Variants in DKK2 observed in about 807,000 individuals in gnomAD.
DKK2 encodes the protein dickkopf Wnt signaling pathway inhibitor 2.
DKK2 carries 11 observed loss-of-function variants against 28.1 expected under a neutral mutation model. The ratio of observed to expected loss-of-function variants is 0.39; its 90% confidence interval spans 0.25 to 0.65. DKK2 has a LOEUF of 0.65. Among genes scored for constraint, DKK2 ranks in the 30% least tolerant of loss-of-function variants. The pLI is 0.47. For synonymous variants in DKK2, 135 were observed against 126.5 expected (o/e 1.07, Z -0.45); for missense variants, 326 against 335.5 (o/e 0.97, Z 0.22).
In DKK2 at chr4:106,922,368, CCAGA is replaced by C. The variant is rs1724358448; in HGVS notation, c.*1582_*1585del. The C allele has an allele frequency of 6.6e-6, 1 of 152,026 alleles. No individual in the cohort carries two copies. The highest frequency in any genetic ancestry group is 2.4e-5 in the African/African-American group (1 of 41,390). The allele number at this position is 152,026 out of a possible 1,614,324, so 9.4% of individuals were successfully genotyped here. ...AGATAACCTTTTATTGTTTTGTGCT[CCAGA>C]CAAAGTATTTAGAACTGAGTTAAGT... On this transcript the variant is annotated 3_prime_UTR_variant, in exon 4 of 4. Coordinates refer to ENST00000285311, the MANE Select transcript of DKK2 (RefSeq NM_014421.3).
chr4:106,979,556 G>C (rs1202629755), intron 1 of DKK2, among the ~76,000 whole-genome samples: 1 of 151,452 alleles, frequency 6.6e-6, no homozygotes, highest in Non-Finnish European at 1.5e-5. Flanking sequence ...AACTTTGGAG[G>C]GAAAAACAGC....
At position 106,976,906 on chromosome 4, in the gene DKK2, T is replaced by C. The variant is rs138398510; in HGVS notation, c.223-50957A>G. On this transcript the variant is annotated intron_variant, in intron 1 of 3. Transcript: ENST00000285311. ...TTTTCTATTCCATATTGAGTGCTTT[T>C]TTCAGGATCTCTTGTAAGGCAGGCC... 6.4e-3 allele frequency among the ~76,000 whole-genome samples: 967 copies of C among 152,250 alleles called. 15 individuals carry two copies. The highest frequency in any genetic ancestry group is 0.022 in the African/African-American group (924 of 41,558).
At chr4:106,935,660 G>C (rs536221273) in intron 1 of DKK2, among the ~76,000 whole-genome samples, 2 of 152,248 alleles carry the variant, frequency 1.3e-5, no homozygotes, top group Non-Finnish European at 2.9e-5. Context: ...ACCTCTGTGG[G>C]CAGGGCACAG....
At chr4:106,928,434 A>G (rs997191186) in intron 1 of DKK2, among the ~76,000 whole-genome samples, 9 of 152,174 alleles carry the variant, frequency 5.9e-5, no homozygotes, top group Non-Finnish European at 1.0e-4. Context: ...CAGAACATAA[A>G]TACTAGGAGA....
rs980011507 is a variant in DKK2, at chr4:106,958,722, A to G, written c.223-32773T>C. Among the ~76,000 whole-genome samples the G allele has an allele frequency of 2.0e-5, 3 of 151,784 alleles. No individual in the cohort carries two copies. In the East Asian group the frequency reaches 5.8e-4, roughly 29 times the overall value. On this transcript the variant is annotated intron_variant, in intron 1 of 3. Coordinates refer to ENST00000285311, the MANE Select transcript of DKK2 (RefSeq NM_014421.3). ...TGTGGTGGCAGGCGCCTGTAATCTT[A>G]GCTACTCAGGAGGCTGAGGCAGGAG...
chr4:107,002,170 C>T (rs1228655475), intron 1 of DKK2, among the ~76,000 whole-genome samples: 1 of 152,190 alleles, frequency 6.6e-6, no homozygotes, highest in Non-Finnish European at 1.5e-5. Flanking sequence ...AAAAAATAAT[C>T]TGTCCTAAAT....
chr4:107,002,851 T>C (rs1723378822), intron 1 of DKK2, among the ~76,000 whole-genome samples: 1 of 152,210 alleles, frequency 6.6e-6, no homozygotes, highest in Non-Finnish European at 1.5e-5. Context: ...CACTTGACTT[T>C]TCTCATCTCT....
chr4:106,962,107 G>T (rs1270297716), intron 1 of DKK2, among the ~76,000 whole-genome samples: 1 of 152,098 alleles, frequency 6.6e-6, no homozygotes, highest in Non-Finnish European at 1.5e-5. Flanking sequence ...ACTTCTAAGT[G>T]TATGTCCTTC....
intron 1 of DKK2, among the ~76,000 whole-genome samples, chr4:106,964,468 A>G (rs1482654920): frequency 6.6e-6 from 1 of 152,134 alleles, no homozygotes; most frequent in African/African-American, 2.4e-5. Context: ...GGTATAGTTA[A>G]CAATAATTTA....
At chr4:106,938,346 C>T (rs541172656) in intron 1 of DKK2, among the ~76,000 whole-genome samples, 16 of 152,072 alleles carry the variant, frequency 1.1e-4, no homozygotes, top group South Asian at 8.3e-4. Flanking sequence ...AACACCTCTG[C>T]GCAAATAAAC....
intron 1 of DKK2, among the ~76,000 whole-genome samples, chr4:106,926,656 C>T (rs188818808): frequency 6.6e-6 from 1 of 152,210 alleles, no homozygotes; most frequent in East Asian, 1.9e-4. Context: ...TCCTTACAGA[C>T]CTGAAATAGC....
At chr4:106,961,565 G>GCACACACACA (rs34597899) in intron 1 of DKK2, among the ~76,000 whole-genome samples, 122 of 136,298 alleles carry the variant, frequency 9.0e-4, no homozygotes, top group African/African-American at 3.0e-3. Context: ...CCAACAGCCT[G>GCACACACACA]CACACACACA....
At chr4:107,010,547 A>C (rs1401228571) in intron 1 of DKK2, among the ~76,000 whole-genome samples, 2 of 151,618 alleles carry the variant, frequency 1.3e-5, no homozygotes, top group South Asian at 4.1e-4. Context: ...GATTAGGAGA[A>C]TAAGTATGTG....
intron 1 of DKK2, among the ~76,000 whole-genome samples, chr4:106,991,263 A>G (rs1418877930): frequency 2.6e-5 from 4 of 152,188 alleles, no homozygotes; most frequent in African/African-American, 9.7e-5. Flanking sequence ...TTGTACACCT[A>G]CAATCTACTA....
rs184738352 is a variant in DKK2, at chr4:106,969,241, C to T, written c.223-43292G>A. ...CAGTTTGGGACCCCTCTTTCCTCTG[C>T]TTGTCTCCCATCTCCCCCTCCCCTC... On this transcript the variant is annotated intron_variant, in intron 1 of 3. Coordinates refer to ENST00000285311, the MANE Select transcript of DKK2 (RefSeq NM_014421.3). Among the ~76,000 whole-genome samples, 386 of 151,744 alleles carry T rather than the reference C, an allele frequency of 2.5e-3. 4 individuals carry two copies. Among genetic ancestry groups the T allele is most frequent in the African/African-American group, 9.1e-3 (376 of 41,432 alleles).
intron 2 of DKK2, 141 bp downstream of exon 2, chr4:106,925,658 T>C (rs922135490): frequency 9.1e-7 from 1 of 1,094,916 alleles, no homozygotes; most frequent in African/African-American, 1.6e-5. Flanking sequence ...GTAATCCAGG[T>C]AATCTTACAC....
At chr4:106,938,158 CA>C (rs1311053322) in intron 1 of DKK2, among the ~76,000 whole-genome samples, 8 of 147,656 alleles carry the variant, frequency 5.4e-5, no homozygotes, top group Admixed American at 4.7e-4. Context: ...AAAAACCCTT[CA>C]AAAAATTAAT....
chr4:106,986,354 A>G (rs1206362385), intron 1 of DKK2, among the ~76,000 whole-genome samples: 1 of 152,160 alleles, frequency 6.6e-6, no homozygotes, highest in East Asian at 1.9e-4. Flanking sequence ...TTGTTTGAGG[A>G]CTTGCTTTGA....
chr4:106,926,590 G>A (rs1724429190), intron 1 of DKK2, among the ~76,000 whole-genome samples: 1 of 152,146 alleles, frequency 6.6e-6, no homozygotes, highest in African/African-American at 2.4e-5. Context: ...CCAGCAGCCA[G>A]AGAGATGCTA....
Sources: gnomAD v4.1 joint callset for allele counts (sites outside exome capture counted in the v4.1 genomes callset) on GRCh38, gnomAD v4.1.1 for gene constraint, MANE v1.5 for transcripts, NCBI Gene and HGNC (gene_info 2026-07-23, HGNC 2026-07-21) for gene names.